LAMA3: variants seen among roughly 807,000 people sequenced by gnomAD.
LAMA3 encodes laminin subunit alpha 3.
A neutral mutation model predicts 402.0 loss-of-function variants in LAMA3; 281 were observed. That is an observed-to-expected ratio of 0.70 (90% CI 0.63 to 0.77). LAMA3 has a LOEUF of 0.77. Ranked by LOEUF, LAMA3 falls within the 30% of genes least tolerant of loss-of-function variation. LAMA3 has a pLI of 0.00. For missense variants in LAMA3, 3,840 were observed against 4,215.5 expected, an observed-to-expected ratio of 0.91 and a Z score of 2.47; for synonymous variants, 1,431 against 1,558.4, an observed-to-expected ratio of 0.92 and a Z score of 1.93.
intron 1 of LAMA3, among the ~76,000 whole-genome samples, chr18:23,712,713 A>G (rs558384055): frequency 6.9e-4 from 103 of 149,570 alleles, no homozygotes; most frequent in African/African-American, 2.5e-3. Flanking sequence ...ACATGTGGTC[A>G]CACCTTTGGT....
At chr18:23,875,589 G>T (rs928098931) in intron 38 of LAMA3, among the ~76,000 whole-genome samples, 4 of 152,032 alleles carry the variant, frequency 2.6e-5, no homozygotes, top group African/African-American at 9.7e-5. Context: ...CCTAGTGAGT[G>T]GCAATAAAGT....
Position 23,894,909 on chromosome 18 carries a change from T to G in LAMA3, c.5464T>G (p.Cys1822Gly), listed in dbSNP as rs1320690939. Residue 1822 changes from cysteine to glycine, a missense_variant and splice_region_variant, in exon 44 of 75, where the codon TGC (cysteine) becomes GGC (glycine). Cys to Gly is a radical substitution (Grantham distance 159). Transcript: ENST00000313654. ...GCCTTTGATTGTGGCCCCTACAGATTGCGACAGCTGTGTGATGACCCTCCT... is the reference window on the plus strand; with the variant it reads ...GCCTTTGATTGTGGCCCCTACAGATGGCGACAGCTGTGTGATGACCCTCCT... The part of the protein sequence containing the change: ...DSSPAEECDD[C>G]DSCVMTLLND... The G allele has an allele frequency of 2.5e-6, 4 of 1,614,126 alleles. No homozygotes were observed.
In LAMA3 at chr18:23,943,688, A is replaced by C. The variant is rs1158832662; in HGVS notation, c.9027-100A>C. On this transcript the variant is annotated intron_variant, in intron 68 of 74. Transcript: ENST00000313654. ...CTACGTTAGCTTATCCATTTGAAAA[A>C]TGGGGGTTGGGTGTTTGCTCCCCAC... The C allele has an allele frequency of 4.7e-6, 5 of 1,069,642 alleles. No individual in the cohort carries two copies. The East Asian group carries it at 1.2e-4, about 25-fold the overall frequency. 66.3% of individuals were successfully genotyped at this position (1,069,642 alleles called of 1,614,324 possible).
chr18:23,838,675 G>T, intron 25 of LAMA3, 106 bp from the exon 26 acceptor site: 2 of 720,808 alleles, frequency 2.8e-6, no homozygotes, highest in South Asian at 1.5e-5. Flanking sequence ...GAATTATTAT[G>T]GATAAATCCT....
chr18:23,751,261 T>C (rs993895840), intron 5 of LAMA3, among the ~76,000 whole-genome samples, 173 bp downstream of exon 5: 3 of 152,142 alleles, frequency 2.0e-5, no homozygotes, highest in African/African-American at 7.2e-5. Context: ...TAATGACTTA[T>C]AAAAATGGCT....
intron 2 of LAMA3, among the ~76,000 whole-genome samples, chr18:23,739,343 T>C (rs1453032858): frequency 1.3e-5 from 2 of 152,186 alleles, no homozygotes; most frequent in East Asian, 1.9e-4. Flanking sequence ...CCCAGCTGAT[T>C]TGAAATGACA....
chr18:23,817,661 G>T (rs1054597239), intron 18 of LAMA3, among the ~76,000 whole-genome samples: 4 of 152,296 alleles, frequency 2.6e-5, no homozygotes, highest in African/African-American at 9.6e-5. Context: ...GTTGCGGTGA[G>T]CTATGATTGC....
chr18:23,909,298 G>GTCCCC lies in LAMA3; in HGVS notation c.7158+3_7158+4insTCCCC. The GTCCCC allele has an allele frequency of 6.2e-7, 1 of 1,610,992 alleles. No homozygotes were observed. Among genetic ancestry groups the GTCCCC allele is most frequent in the Non-Finnish European group, 8.5e-7 (1 of 1,179,848 alleles). On this transcript the variant is annotated splice_donor_region_variant and intron_variant, in intron 55 of 74. Coordinates refer to ENST00000313654, the MANE Select transcript of LAMA3 (RefSeq NM_198129.4). ...AGGCCAGAGATGCTGCCAGTAAGGT[G>GTCCCC]AGTGTGTCCCCACGTGGTCAGTGGC... is the stretch of plus-strand genomic sequence containing the variant.
chr18:23,954,518 T>G lies in LAMA3; in HGVS notation c.9872T>G (p.Leu3291Arg). 1 of 1,613,910 alleles carries G rather than the reference T, an allele frequency of 6.2e-7. No homozygotes were observed. The change falls in exon 75 of 75, where the codon CTG (leucine) becomes CGG (arginine). Residue 3291 changes from leucine to arginine, a missense_variant. By Grantham distance (102) the Leu-to-Arg change is moderately radical. Coordinates refer to ENST00000313654, the MANE Select transcript of LAMA3 (RefSeq NM_198129.4). ...TCTCTTTCAGCCAATTTGACGACAC[T>G]GAGGATCCCTGTGTGGAAATCATTC... ...LGGAPANLTT[L>R]RIPVWKSFFG...
At chr18:23,821,846 T>C (rs1310323354) in intron 19 of LAMA3, among the ~76,000 whole-genome samples, 1 of 152,212 alleles carries the variant, frequency 6.6e-6, no homozygotes, top group Non-Finnish European at 1.5e-5. Context: ...GCAGTCTCTC[T>C]TTGGTGGTGT....
intron 39 of LAMA3, among the ~76,000 whole-genome samples, chr18:23,880,932 C>T (rs2064875353): frequency 6.6e-6 from 1 of 152,126 alleles, no homozygotes; most frequent in Non-Finnish European, 1.5e-5. Context: ...ATTAAAGTTT[C>T]CTACTCAAGC....
At chr18:23,834,116 G>A in intron 24 of LAMA3, 128 bp downstream of exon 24, 1 of 1,068,726 alleles carries the variant, frequency 9.4e-7, no homozygotes, top group Non-Finnish European at 1.4e-6. Flanking sequence ...ACAAGCAGGT[G>A]ACTAGTTGTG....
chr18:23,747,465 C>T (rs1190955550), intron 2 of LAMA3, among the ~76,000 whole-genome samples: 1 of 152,176 alleles, frequency 6.6e-6, no homozygotes, highest in Non-Finnish European at 1.5e-5. Flanking sequence ...GGAGTGCTAC[C>T]ACTCCATCAA....
rs1438867050 is a variant in LAMA3 at position 23,777,659 on chromosome 18, T to C, written c.1468+40T>C. On this transcript the variant is annotated intron_variant, in intron 11 of 74. Coordinates refer to ENST00000313654, the MANE Select transcript of LAMA3 (RefSeq NM_198129.4). ...TTTTGGTTTAACTCCAGTGAAAATG[T>C]TATGCCCTTATTCTTTTCCTACTTC... The C allele has an allele frequency of 2.2e-6, 3 of 1,386,900 alleles. No homozygotes were observed. In the Admixed American group the frequency reaches 5.0e-5, roughly 23 times the overall value. The allele number at this position is 1,386,900 out of a possible 1,614,324, so 85.9% of individuals were successfully genotyped here.
chr18:23,777,143 CT>C (rs1294576375), intron 10 of LAMA3, among the ~76,000 whole-genome samples: 1 of 151,706 alleles, frequency 6.6e-6, no homozygotes, highest in Non-Finnish European at 1.5e-5. Context: ...CTCGGCCTGC[CT>C]TTTTAGTGAA....
At chr18:23,818,828 A>G (rs1202350333) in intron 18 of LAMA3, among the ~76,000 whole-genome samples, 1 of 152,114 alleles carries the variant, frequency 6.6e-6, no homozygotes, top group African/African-American at 2.4e-5. Context: ...ATTTCCTATT[A>G]TCATTAGCCT....
chr18:23,748,092 G>T, intron 3 of LAMA3, 32 bp downstream of exon 3: 1 of 1,159,480 alleles, frequency 8.6e-7, no homozygotes, highest in East Asian at 2.3e-5. Context: ...GTTATGCATG[G>T]CTTTAATTAC....
chr18:23,763,521 C>T lies in LAMA3; in HGVS notation c.1180C>T (p.Gln394Ter). The stretch of plus-strand genomic sequence containing the variant: ...TGGTGGAGGGGTCTGCATTAACTGT[C>T]AGGTGAGGCACTATTTAAATCAAAG... ...YAGGGVCINC[Q>*]HNTAGVNCEQ... is the part of the protein sequence containing the mutation. The change falls in exon 8 of 75, where the codon CAG becomes TAG. Residue 394 changes from glutamine (Q) to a stop codon, truncating the protein, a stop_gained and splice_region_variant. Coordinates refer to ENST00000313654, the MANE Select transcript of LAMA3 (RefSeq NM_198129.4). LOFTEE classifies it high-confidence loss of function. 1 of 1,553,034 alleles carries T rather than the reference C, an allele frequency of 6.4e-7. No homozygotes were observed.
At chr18:23,800,792 G>A (rs773560814) in intron 12 of LAMA3, among the ~76,000 whole-genome samples, 2 of 151,998 alleles carry the variant, frequency 1.3e-5, no homozygotes, top group African/African-American at 4.8e-5. Context: ...TTATCTTTCT[G>A]TTCCTGACAT....
Sources: gnomAD v4.1 joint callset for allele counts (sites outside exome capture counted in the v4.1 genomes callset) on GRCh38, gnomAD v4.1.1 for gene constraint, MANE v1.5 for transcripts, NCBI Gene and HGNC (gene_info 2026-07-23, HGNC 2026-07-21) for gene names.